The following MTF2 variants were observed in gnomAD, a reference collection of about 807,000 sequenced individuals.
MTF2 encodes the protein metal-response element-binding transcription factor 2.
In MTF2, 11 loss-of-function variants were observed where a neutral mutation model predicts 79.5. The ratio of observed to expected loss-of-function variants is 0.14; its 90% confidence interval spans 0.09 to 0.23. The LOEUF is 0.23. MTF2 is among the 10% of genes least tolerant of loss of function. The pLI, the probability that MTF2 is intolerant of heterozygous loss-of-function variation, is 1.00. For missense variants in MTF2, 486 were observed against 711.2 expected, an observed-to-expected ratio of 0.68 and a Z score of 3.60; for synonymous variants, 208 against 232.8, an observed-to-expected ratio of 0.89 and a Z score of 0.97.
chr1:93,127,224 C>T lies in MTF2; in HGVS notation c.922-8C>T. 4.4e-6 allele frequency: 7 copies of T among 1,605,376 alleles called. No homozygotes were observed. The highest frequency in any genetic ancestry group is 6.0e-6 in the Non-Finnish European group (7 of 1,172,434). ...TAGTGCGTTAAATTGTTTCTTGATA[C>T]TTCACAGCTGGCAGACACACCAAAA... On this transcript the variant is annotated splice_region_variant and splice_polypyrimidine_tract_variant and intron_variant, in intron 9 of 14. Transcript: ENST00000370298.
rs77479924 is a variant in MTF2, at chr1:93,137,131, A to G, written c.*104A>G. The G allele has an allele frequency of 3.0e-6, 3 of 1,004,930 alleles. No homozygotes were observed. The highest frequency in any genetic ancestry group is 4.3e-6 in the Non-Finnish European group (3 of 698,630). 62.3% of individuals were successfully genotyped at this position (1,004,930 alleles called of 1,614,324 possible). A position where few individuals can be genotyped will look rare whatever the true frequency, so the allele number is the denominator to read the frequency against. On this transcript the variant is annotated 3_prime_UTR_variant, in exon 15 of 15. Transcript: ENST00000370298. Reference sequence around the variant, plus strand: ...TACTATCTTTCTTAAAAAAAAAAAAAAGTCAAAAAAATTCAAAAAAGGGGA... The same window carrying G: ...TACTATCTTTCTTAAAAAAAAAAAAGAGTCAAAAAAATTCAAAAAAGGGGA...
chr1:93,092,492 G>A (rs754416709), intron 1 of MTF2, among the ~76,000 whole-genome samples: 7 of 152,000 alleles, frequency 4.6e-5, no homozygotes, highest in African/African-American at 9.7e-5. Context: ...TGTTCCCTCC[G>A]CCCCTTCCCA....
At chr1:93,099,522 A>G (rs769418455) in intron 1 of MTF2, among the ~76,000 whole-genome samples, 2 of 152,234 alleles carry the variant, frequency 1.3e-5, no homozygotes, top group Non-Finnish European at 2.9e-5. Context: ...GTAGAGGAAT[A>G]GTATCAAACT....
intron 11 of MTF2, among the ~76,000 whole-genome samples, chr1:93,130,847 T>G (rs1294593002): frequency 6.6e-6 from 1 of 152,104 alleles, no homozygotes; most frequent in Non-Finnish European, 1.5e-5. Flanking sequence ...GAGCAACTGG[T>G]GGGTGGTTAA....
At chr1:93,134,834 TAAA>T (rs11285300) in intron 14 of MTF2, among the ~76,000 whole-genome samples, 10 of 144,022 alleles carry the variant, frequency 6.9e-5, no homozygotes, top group Non-Finnish European at 9.1e-5. Context: ...AAGATTTGAT[TAAA>T]AAAAAAAAAA....
chr1:93,102,376 A>G (rs1655582595), intron 1 of MTF2, among the ~76,000 whole-genome samples: 1 of 151,798 alleles, frequency 6.6e-6, no homozygotes, highest in Non-Finnish European at 1.5e-5. Context: ...AAGCGGAGGG[A>G]TTACTTGAGC....
Position 93,117,264 on chromosome 1 carries a change from G to A in MTF2, c.633-1081G>A, listed in dbSNP as rs1656285582. On this transcript the variant is annotated intron_variant, in intron 6 of 14. Transcript: ENST00000370298. ...TATCAAAACCACATACTAGCTGGGTGTGGTGGTGTGTACCTGTACTGCCAG... is the reference window on the plus strand; with the variant it reads ...TATCAAAACCACATACTAGCTGGGTATGGTGGTGTGTACCTGTACTGCCAG... Among the ~76,000 whole-genome samples the A allele has an allele frequency of 2.0e-5, 3 of 152,190 alleles. No homozygotes were observed. In the South Asian group the frequency reaches 6.2e-4, roughly 32 times the overall value.
chr1:93,089,867 CAG>C, intron 1 of MTF2, among the ~76,000 whole-genome samples: 1 of 143,284 alleles, frequency 7.0e-6, no homozygotes, highest in South Asian at 2.3e-4. Context: ...TTTTTTGAGA[CAG>C]AGTCTCACTC....
chr1:93,134,131 G>A lies in MTF2; in HGVS notation c.1360G>A (p.Val454Met), dbSNP rs746471855. The A allele has an allele frequency of 3.1e-6, 5 of 1,613,616 alleles. No individual in the cohort carries two copies. In the East Asian group the frequency reaches 1.1e-4, roughly 36 times the overall value. Residue 454 changes from valine (V) to methionine (M), a missense_variant, in exon 14 of 15, where the codon GTG becomes ATG. Coordinates refer to ENST00000370298, the MANE Select transcript of MTF2 (RefSeq NM_007358.4). The part of the protein sequence containing the change: ...GTAHSSNTSD[V>M]DFTGASSAKE... ...TGCACATTCATCCAATACCTCAGAT[G>A]TGGATTTCACGGGTGCTTCCAGTGC...
Position 93,127,295 on chromosome 1 carries a change from AC to A in MTF2, c.987del (p.Met330CysfsTer8). The A allele has an allele frequency of 6.2e-7, 1 of 1,601,776 alleles. No homozygotes were observed. Among genetic ancestry groups the A allele is most frequent in the Non-Finnish European group, 8.6e-7 (1 of 1,168,940 alleles). Reference sequence around the variant, plus strand: ...TCTGGAGGCATTAAATGATTACAAGACCATGTAAGTTGATTTATTTTATGTA... The same window carrying A: ...TCTGGAGGCATTAAATGATTACAAGACATGTAAGTTGATTTATTTTATGTA... ...HVLEALNDYK[T>X]MFMSGKEIKK... On this transcript the variant is annotated frameshift_variant, in exon 10 of 15. Coordinates refer to ENST00000370298, the MANE Select transcript of MTF2 (RefSeq NM_007358.4). LOFTEE classifies it high-confidence loss of function.
intron 1 of MTF2, among the ~76,000 whole-genome samples, chr1:93,082,656 G>A (rs932237111): frequency 6.6e-6 from 1 of 151,964 alleles, no homozygotes; most frequent in Non-Finnish European, 1.5e-5. Flanking sequence ...AATCTTAACT[G>A]TACAGTTGTT....
At chr1:93,085,213 G>C (rs2101015002) in intron 1 of MTF2, among the ~76,000 whole-genome samples, 1 of 150,176 alleles carries the variant, frequency 6.7e-6, no homozygotes. Flanking sequence ...TTTTGAAACG[G>C]AGTCCAGGCT....
chr1:93,132,302 A>T (rs1159957091), intron 11 of MTF2, among the ~76,000 whole-genome samples: 1 of 152,164 alleles, frequency 6.6e-6, no homozygotes, highest in East Asian at 1.9e-4. Context: ...TCACTTTCAG[A>T]TTTTGTCACT....
chr1:93,079,397 C>T lies in MTF2; in HGVS notation c.-130C>T, dbSNP rs1433274533. On this transcript the variant is annotated 5_prime_UTR_variant, in exon 1 of 15. Transcript: ENST00000370298. Reference sequence around the variant, plus strand: ...TTGTCTCCAAGGACCTCGGTTTGTGCGTGCATATGTGCCGGGTACCCGGTG... The same window carrying T: ...TTGTCTCCAAGGACCTCGGTTTGTGTGTGCATATGTGCCGGGTACCCGGTG... The T allele has an allele frequency of 1.7e-6, 2 of 1,145,040 alleles. No homozygotes were observed. The highest frequency in any genetic ancestry group is 3.8e-5 in the Admixed American group (2 of 52,384). The allele number at this position is 1,145,040 out of a possible 1,614,324, so 70.9% of individuals were successfully genotyped here. A position where few individuals can be genotyped will look rare whatever the true frequency, so the allele number is the denominator to read the frequency against.
chr1:93,104,875 G>A (rs1219894675), intron 1 of MTF2, among the ~76,000 whole-genome samples: 1 of 150,328 alleles, frequency 6.7e-6, no homozygotes, highest in Non-Finnish European at 1.5e-5. Context: ...AGACATTCTC[G>A]GCCGGGCGCG....
At chr1:93,122,027 C>A (rs1656503932) in intron 9 of MTF2, among the ~76,000 whole-genome samples, 1 of 152,084 alleles carries the variant, frequency 6.6e-6, no homozygotes, top group African/African-American at 2.4e-5. Flanking sequence ...GTCTTGAACT[C>A]CTGACCTTAA....
Position 93,110,370 on chromosome 1 carries a change from G to T in MTF2, c.146G>T (p.Gly49Val). 1 of 1,614,170 alleles carries T rather than the reference G, an allele frequency of 6.2e-7. No homozygotes were observed. The highest frequency in any genetic ancestry group is 8.5e-7 in the Non-Finnish European group (1 of 1,180,028). The change falls in exon 2 of 15, where the codon GGT becomes GTT. Residue 49 changes from glycine to valine, a missense_variant. Transcript: ENST00000370298. ...AKKPACKFEE[G>V]QDVLARWSDG... ...AAGCCAGCATGTAAATTTGAAGAGGGTCAGGATGTCCTAGCTAGATGGTCA... is the reference window on the plus strand; with the variant it reads ...AAGCCAGCATGTAAATTTGAAGAGGTTCAGGATGTCCTAGCTAGATGGTCA...
chr1:93,083,979 C>A (rs1654724559), intron 1 of MTF2, among the ~76,000 whole-genome samples: 2 of 152,094 alleles, frequency 1.3e-5, no homozygotes, highest in Non-Finnish European at 2.9e-5. Context: ...ACTTTTCTTC[C>A]CCCATCCTGT....
In MTF2 at chr1:93,138,180, G is replaced by A. The variant is rs1647475623; in HGVS notation, c.*1153G>A. The stretch of plus-strand genomic sequence containing the variant: ...CAACATTACCTCTTGTTTTTATAAA[G>A]TGTACCAAGATTTAAATTGATAACT... On this transcript the variant is annotated 3_prime_UTR_variant, in exon 15 of 15. Coordinates refer to ENST00000370298, the MANE Select transcript of MTF2 (RefSeq NM_007358.4). The A allele has an allele frequency of 6.6e-6, 1 of 152,102 alleles. No homozygotes were observed. 9.4% of individuals were successfully genotyped at this position (152,102 alleles called of 1,614,324 possible).
Sources: gnomAD v4.1 joint callset for allele counts (sites outside exome capture counted in the v4.1 genomes callset) on GRCh38, gnomAD v4.1.1 for gene constraint, MANE v1.5 for transcripts, NCBI Gene and HGNC (gene_info 2026-07-23, HGNC 2026-07-21) for gene names.